The following AFF3 variants were observed in gnomAD, a reference collection of about 807,000 sequenced individuals.
AFF3 encodes the protein AF4/FMR2 family member 3.
In AFF3, 32 loss-of-function variants were observed where a neutral mutation model predicts 129.7. The ratio of observed to expected loss-of-function variants is 0.25; its 90% confidence interval spans 0.19 to 0.33. AFF3 has a LOEUF of 0.33. AFF3 is among the 10% of genes least tolerant of loss of function. The pLI is 1.00. For missense variants in AFF3, 1,373 were observed against 1,592.0 expected, an observed-to-expected ratio of 0.86 and a Z score of 2.34; for synonymous variants, 644 against 635.4, an observed-to-expected ratio of 1.01 and a Z score of -0.20.
At chr2:99,796,192 C>G (rs1001373606) in intron 8 of AFF3, among the ~76,000 whole-genome samples, 4 of 152,092 alleles carry the variant, frequency 2.6e-5, no homozygotes, top group Non-Finnish European at 5.9e-5. Context: ...TCTAAACAAA[C>G]CTTCCAAAGT....
At chr2:99,849,120 C>T (rs1310502356) in intron 7 of AFF3, among the ~76,000 whole-genome samples, 2 of 151,996 alleles carry the variant, frequency 1.3e-5, no homozygotes. Flanking sequence ...TCCACTTCTA[C>T]CTCACTTCTG....
intron 7 of AFF3, among the ~76,000 whole-genome samples, chr2:99,867,747 G>A (rs1385266096): frequency 6.6e-6 from 1 of 152,118 alleles, no homozygotes; most frequent in African/African-American, 2.4e-5. Flanking sequence ...GAGTGGAGGG[G>A]CTCACCATCT....
intron 8 of AFF3, among the ~76,000 whole-genome samples, chr2:99,787,180 G>C (rs1168866516): frequency 6.6e-6 from 1 of 152,148 alleles, no homozygotes; most frequent in African/African-American, 2.4e-5. Flanking sequence ...CCACGGCTGT[G>C]TGCTGGCTCA....
intron 13 of AFF3, chr2:99,630,721 G>C (rs907196196): frequency 6.2e-6 from 1 of 161,268 alleles, no homozygotes; most frequent in Admixed American, 6.4e-5. Flanking sequence ...AGTGAGCAAA[G>C]AGAAAGTGCC....
intron 8 of AFF3, among the ~76,000 whole-genome samples, chr2:99,757,986 T>A (rs1302592345): frequency 6.6e-6 from 1 of 152,186 alleles, no homozygotes; most frequent in Non-Finnish European, 1.5e-5. Flanking sequence ...GATGAACCCC[T>A]CAAGGCTGTG....
intron 8 of AFF3, among the ~76,000 whole-genome samples, chr2:99,785,686 C>T (rs1684736532): frequency 6.6e-6 from 1 of 152,174 alleles, no homozygotes; most frequent in South Asian, 2.1e-4. Context: ...CAGAAAACTT[C>T]CTACTTTTCA....
intron 7 of AFF3, among the ~76,000 whole-genome samples, chr2:100,005,578 T>C (rs1020553045): frequency 7.2e-5 from 11 of 152,244 alleles, no homozygotes; most frequent in Admixed American, 6.5e-4. Context: ...TTGCTTCCAT[T>C]AGTTTCTAGT....
chr2:100,080,220 T>C (rs1241811546), intron 4 of AFF3, among the ~76,000 whole-genome samples: 1 of 152,168 alleles, frequency 6.6e-6, no homozygotes, highest in Admixed American at 6.5e-5. Flanking sequence ...TTGGTTTCCT[T>C]GTATGTTTGA....
chr2:99,715,381 T>C (rs1470891475), intron 11 of AFF3, among the ~76,000 whole-genome samples: 2 of 152,240 alleles, frequency 1.3e-5, no homozygotes, highest in Non-Finnish European at 2.9e-5. Flanking sequence ...TTATAAGTTA[T>C]GAATATTGTT....
intron 9 of AFF3, among the ~76,000 whole-genome samples, chr2:99,747,880 C>A (rs2105171342): frequency 6.6e-6 from 1 of 152,198 alleles, no homozygotes; most frequent in South Asian, 2.1e-4. Context: ...GCTATAAACC[C>A]AGTGTTCTAA....
At chr2:99,976,226 G>A (rs562610401) in intron 7 of AFF3, among the ~76,000 whole-genome samples, 13 of 152,224 alleles carry the variant, frequency 8.5e-5, no homozygotes, top group African/African-American at 3.1e-4. Flanking sequence ...TACTTCAACA[G>A]GAATCTCTTT....
chr2:100,129,137 A>G (rs1208397453), intron 2 of AFF3, 87 bp downstream of exon 2: 1 of 152,178 alleles, frequency 6.6e-6, no homozygotes, highest in Non-Finnish European at 1.5e-5. Context: ...TTCTGATGAG[A>G]TTCTGGAACA....
At chr2:100,060,281 C>T (rs1687163323) in intron 4 of AFF3, among the ~76,000 whole-genome samples, 1 of 152,172 alleles carries the variant, frequency 6.6e-6, no homozygotes. Context: ...CATGTGTTAC[C>T]TCATTAGTCA....
At chr2:99,995,396 G>A (rs890669308) in intron 7 of AFF3, among the ~76,000 whole-genome samples, 5 of 150,100 alleles carry the variant, frequency 3.3e-5, no homozygotes, top group African/African-American at 7.4e-5. Flanking sequence ...TTTTTGAGAC[G>A]GAGTCTTGCT....
intron 17 of AFF3, among the ~76,000 whole-genome samples, chr2:99,580,594 T>A (rs72966225): frequency 0.019 from 2,957 of 152,226 alleles, 101 homozygotes; most frequent in African/African-American, 0.067. Context: ...GTCCAAAATG[T>A]GAAAACCTGC....
intron 8 of AFF3, among the ~76,000 whole-genome samples, chr2:99,766,623 T>C (rs952791322): frequency 6.6e-6 from 1 of 151,538 alleles, no homozygotes; most frequent in Admixed American, 6.6e-5. Flanking sequence ...ATTAAAACAT[T>C]CCCCCCCAAA....
chr2:100,052,057 T>TG (rs1218961204), intron 4 of AFF3, among the ~76,000 whole-genome samples: 2 of 151,914 alleles, frequency 1.3e-5, no homozygotes, highest in Non-Finnish European at 2.9e-5. Flanking sequence ...CTGCAGAGGG[T>TG]GGGGGGCAGA....
At chr2:99,713,716 TAGAG>T (rs1269670878) in intron 11 of AFF3, among the ~76,000 whole-genome samples, 2 of 151,470 alleles carry the variant, frequency 1.3e-5, no homozygotes, top group Non-Finnish European at 2.9e-5. Context: ...TTTTTTTTTC[TAGAG>T]AGAGTCTTGT....
chr2:99,951,632 A>G (rs996750389), intron 7 of AFF3, among the ~76,000 whole-genome samples: 8 of 152,154 alleles, frequency 5.3e-5, no homozygotes, highest in South Asian at 2.1e-4. Flanking sequence ...AAATACTGTC[A>G]TATTACAATA....
Sources: gnomAD v4.1 joint callset for allele counts (sites outside exome capture counted in the v4.1 genomes callset) on GRCh38, gnomAD v4.1.1 for gene constraint, MANE v1.5 for transcripts, NCBI Gene and HGNC (gene_info 2026-07-23, HGNC 2026-07-21) for gene names.